CACNA1S: variants seen among roughly 807,000 people sequenced by gnomAD.
The protein encoded by CACNA1S is voltage-dependent L-type calcium channel subunit alpha-1S.
In CACNA1S, 126 loss-of-function variants were observed where a neutral mutation model predicts 207.4. That is an observed-to-expected ratio of 0.61 (90% CI 0.53 to 0.70). The LOEUF (loss-of-function observed/expected upper bound fraction) is 0.70. CACNA1S is among the 30% of genes least tolerant of loss of function. The probability of loss-of-function intolerance (pLI) is 0.00; values close to 1 mark genes in which losing one functional copy is unlikely to be tolerated. For missense variants in CACNA1S, 2,349 were observed against 2,422.8 expected, an observed-to-expected ratio of 0.97 and a Z score of 0.64; for synonymous variants, 960 against 932.7, an observed-to-expected ratio of 1.03 and a Z score of -0.53.
chr1:201,111,932 CTT>C, intron 1 of CACNA1S, among the ~76,000 whole-genome samples: 1 of 149,294 alleles, frequency 6.7e-6, no homozygotes, highest in African/African-American at 2.5e-5. Flanking sequence ...TCCTCCTCCT[CTT>C]CCTCCTCCTC....
At chr1:201,048,938 G>C in intron 35 of CACNA1S, 65 bp downstream of exon 35, 1 of 1,306,884 alleles carries the variant, frequency 7.7e-7, no homozygotes, top group East Asian at 2.3e-5. Flanking sequence ...GTCCTCACCA[G>C]TTTCCCTCTG....
intron 5 of CACNA1S, 36 bp from the exon 6 acceptor site, chr1:201,089,499 G>C: frequency 6.3e-7 from 1 of 1,598,250 alleles, no homozygotes; most frequent in Admixed American, 1.7e-5. Flanking sequence ...TCAGACAACA[G>C]TAGTAGGTGG....
In CACNA1S at chr1:201,085,498, AG is replaced by A. The variant is rs2102154885; in HGVS notation, c.1087del (p.Leu363PhefsTer5). 1 of 1,612,738 alleles carries A rather than the reference AG, an allele frequency of 6.2e-7. No individual in the cohort carries two copies. Among genetic ancestry groups the A allele is most frequent in the Non-Finnish European group, 8.5e-7 (1 of 1,179,798 alleles). ...CGTGATCCAGCTCATGTAGCCCCGA[AG>A]GTCCTCATCTAGTTGCTGCTTCTCC... is the stretch of plus-strand genomic sequence containing the variant. ...LREKQQLDED[L>X]RGYMSWITQG... is the part of the protein sequence containing the mutation. On this transcript the variant is annotated frameshift_variant, in exon 8 of 44. Coordinates refer to ENST00000362061, the MANE Select transcript of CACNA1S (RefSeq NM_000069.3). LOFTEE classifies it high-confidence loss of function.
intron 18 of CACNA1S, 46 bp from the exon 19 acceptor site, chr1:201,069,242 G>T (rs775061401): frequency 6.4e-7 from 1 of 1,559,452 alleles, no homozygotes; most frequent in Non-Finnish European, 8.8e-7. Context: ...AGGAGGAGGG[G>T]GCAACAGTAT....
At position 201,069,573 on chromosome 1, in the gene CACNA1S, T is replaced by C; in HGVS notation, c.2389A>G (p.Asn797Asp). 2.6e-6 allele frequency: 4 copies of C among 1,563,002 alleles called. No individual in the cohort carries two copies. Among genetic ancestry groups the C allele is most frequent in the Non-Finnish European group, 2.6e-6 (3 of 1,152,780 alleles). The change falls in exon 18 of 44, where the codon AAT (asparagine) becomes GAT (aspartate). Residue 797 changes from asparagine (N) to aspartate (D), a missense_variant. Transcript: ENST00000362061. ...KIRVLCHRIVNATWFTNFILL... is the reference protein window; with the variant it reads ...KIRVLCHRIVDATWFTNFILL... ...ATGAAGTTGGTAAACCAGGTGGCATTGACGATGCGGTGACACAGGACACGG... is the reference window on the plus strand; with the variant it reads ...ATGAAGTTGGTAAACCAGGTGGCATCGACGATGCGGTGACACAGGACACGG...
intron 9 of CACNA1S, 41 bp downstream of exon 9, chr1:201,084,908 GC>G (rs780337483): frequency 7.6e-7 from 1 of 1,322,834 alleles, no homozygotes; most frequent in Admixed American, 1.7e-5. Context: ...GTCTCAGGGA[GC>G]TGGGGGTTGG....
chr1:201,039,695 C>A lies in CACNA1S; in HGVS notation c.*136G>T. The stretch of plus-strand genomic sequence containing the variant: ...CACTTTTTGAGGTGGTTCCTGACCA[C>A]CCTGCCTCAGGCCATGCATCTAGCT... On this transcript the variant is annotated 3_prime_UTR_variant, in exon 44 of 44. Coordinates refer to ENST00000362061, the MANE Select transcript of CACNA1S (RefSeq NM_000069.3). 1 of 1,236,734 alleles carries A rather than the reference C, an allele frequency of 8.1e-7. No homozygotes were observed. The highest frequency in any genetic ancestry group is 1.9e-5 in the Admixed American group (1 of 53,714). The allele number at this position is 1,236,734 out of a possible 1,614,324, so 76.6% of individuals were successfully genotyped here.
chr1:201,099,892 T>C (rs990433399), intron 2 of CACNA1S, among the ~76,000 whole-genome samples: 1 of 152,132 alleles, frequency 6.6e-6, no homozygotes, highest in Admixed American at 6.5e-5. Context: ...TCACTGCAGC[T>C]TTGGGAAGTC....
At chr1:201,110,742 A>T (rs1454171785) in intron 1 of CACNA1S, among the ~76,000 whole-genome samples, 1 of 152,158 alleles carries the variant, frequency 6.6e-6, no homozygotes, top group Non-Finnish European at 1.5e-5. Flanking sequence ...GGAAGGAGAG[A>T]TGGAGAGATG....
At position 201,093,886 on chromosome 1, in the gene CACNA1S, G is replaced by A; in HGVS notation, c.394C>T (p.Leu132=). ...WNVLDFTIVF[L]GVFTVILEQV... The stretch of plus-strand genomic sequence containing the variant: ...CTCCCCACACCCAGCTCTCACCCCA[G>A]GAAGACAATGGTGAAGTCCAGCACA... Residue 132 remains leucine (L), a synonymous_variant, in exon 3 of 44, where the codon CTG becomes TTG. Coordinates refer to ENST00000362061, the MANE Select transcript of CACNA1S (RefSeq NM_000069.3). 2 of 1,614,056 alleles carry A rather than the reference G, an allele frequency of 1.2e-6. No individual in the cohort carries two copies. The highest frequency in any genetic ancestry group is 1.1e-5 in the South Asian group (1 of 91,058).
intron 2 of CACNA1S, among the ~76,000 whole-genome samples, chr1:201,103,366 G>A (rs1662750604): frequency 6.6e-6 from 1 of 152,188 alleles, no homozygotes; most frequent in African/African-American, 2.4e-5. Flanking sequence ...GGTTTGACTT[G>A]AGAGGCCGTC....
intron 35 of CACNA1S, 97 bp from the exon 36 acceptor site, chr1:201,048,781 C>T (rs1660556451): frequency 9.1e-7 from 1 of 1,095,418 alleles, no homozygotes; most frequent in Non-Finnish European, 1.4e-6. Flanking sequence ...GGGGACGGGA[C>T]ACGAGGGCTG....
At chr1:201,085,608 A>T (rs1558077092) in intron 7 of CACNA1S, 27 bp from the exon 8 acceptor site, 1 of 1,613,148 alleles carries the variant, frequency 6.2e-7, no homozygotes, top group South Asian at 1.1e-5. Flanking sequence ...GAGCCAGGAG[A>T]GGAGGAGAAG....
chr1:201,061,796 A>T lies in CACNA1S; in HGVS notation c.3053+148T>A, dbSNP rs76840709. The T allele has an allele frequency of 1.0e-3, 936 of 932,564 alleles. 3 individuals carry two copies. In the African/African-American group the frequency reaches 0.013, roughly 13 times the overall value. 57.8% of individuals were successfully genotyped at this position (932,564 alleles called of 1,614,324 possible). The stretch of plus-strand genomic sequence containing the variant: ...GCCTACTTTGGAGTGACCAGTCAAC[A>T]TACCATCAAACCATCAGAGAGTTGG... On this transcript the variant is annotated intron_variant, in intron 24 of 43. Transcript: ENST00000362061.
chr1:201,075,688 C>G, intron 12 of CACNA1S, 73 bp from the exon 13 acceptor site: 3 of 1,515,856 alleles, frequency 2.0e-6, no homozygotes, highest in Non-Finnish European at 2.7e-6. Context: ...CCGCATTGAC[C>G]GAAGTTCTCC....
chr1:201,073,668 G>A (rs758894829), intron 14 of CACNA1S, 26 bp from the exon 15 acceptor site: 1 of 1,579,750 alleles, frequency 6.3e-7, no homozygotes, highest in Non-Finnish European at 8.7e-7. Context: ...CAAAGTGGAA[G>A]CCAAACCAGA....
intron 32 of CACNA1S, 33 bp from the exon 33 acceptor site, chr1:201,051,176 T>G: frequency 6.2e-7 from 1 of 1,613,382 alleles, no homozygotes; most frequent in South Asian, 1.1e-5. Flanking sequence ...GTCACCTATC[T>G]GCTCCTGCCT....
chr1:201,047,183 G>A lies in CACNA1S; in HGVS notation c.4600C>T (p.Arg1534Trp), dbSNP rs914458618. ...YATFLIQEHF[R>W]KFMKRQEEYY... is the part of the protein sequence containing the mutation. ...TCCTCTTGGCGTTTCATGAACTTCC[G>A]GAAGTGCTCCTGGATGAGGAATGTG... Residue 1534 changes from arginine (R) to tryptophan (W), a missense_variant, in exon 38 of 44, where the codon CGG becomes TGG. Arg to Trp is a moderately radical substitution (Grantham distance 101). Transcript: ENST00000362061. 5.0e-6 allele frequency: 8 copies of A among 1,614,058 alleles called. No individual in the cohort carries two copies. The highest frequency in any genetic ancestry group is 4.5e-5 in the East Asian group (2 of 44,902).
chr1:201,040,024 G>A lies in CACNA1S; in HGVS notation c.5429C>T (p.Thr1810Ile), dbSNP rs1195913010. ...LAADANFIMA[T>I]GQALADACQM... ...GCAGGCATCTGCCAGGGCCTGGCCT[G>A]TTGCCATGATGAAGTTTGCATCAGC... Residue 1810 changes from threonine (T) to isoleucine (I), a missense_variant, in exon 44 of 44, where the codon ACA becomes ATA. Thr to Ile is a moderately conservative substitution (Grantham distance 89, BLOSUM62 -1). Transcript: ENST00000362061. 1.9e-6 allele frequency: 3 copies of A among 1,614,136 alleles called. No homozygotes were observed. The highest frequency in any genetic ancestry group is 1.7e-5 in the Admixed American group (1 of 60,018).
Sources: allele counts gnomAD v4.1 joint callset (sites outside exome capture counted in the v4.1 genomes callset), GRCh38; gene constraint gnomAD v4.1.1; transcripts MANE v1.5; gene names NCBI Gene and HGNC (gene_info 2026-07-23, HGNC 2026-07-21).